Variants in CENPP observed in about 807,000 individuals in gnomAD.
CENPP encodes centromere protein P.
Under a neutral mutation model 35.6 loss-of-function variants are expected in CENPP, and 24 were observed. The ratio of observed to expected loss-of-function variants is 0.67; its 90% CI spans 0.49 to 0.95. CENPP has a LOEUF of 0.95. Ranked by LOEUF, CENPP falls within the 40% of genes least tolerant of loss-of-function variation. CENPP has a pLI of 0.00. For synonymous variants in CENPP, 120 were observed against 125.5 expected (o/e 0.96, Z 0.29); for missense variants, 332 against 345.3 (o/e 0.96, Z 0.31).
At chr9:92,379,026 C>T (rs187263504) in intron 4 of CENPP, among the ~76,000 whole-genome samples, 7 of 152,326 alleles carry the variant, frequency 4.6e-5, no homozygotes, top group Non-Finnish European at 1.0e-4. Context: ...GCCATAAATT[C>T]TGGAGTTCCC....
At chr9:92,500,864 C>A in intron 5 of CENPP, 1 of 1,614,134 alleles carries the variant, frequency 6.2e-7, no homozygotes, top group Non-Finnish European at 8.5e-7. Context: ...AGACACGGTC[C>A]ATGCCATCAT....
chr9:92,514,711 C>T, intron 5 of CENPP: 2 of 1,613,934 alleles, frequency 1.2e-6, no homozygotes, highest in Non-Finnish European at 1.7e-6. Context: ...GCTGATGGTC[C>T]TGTAGGACAG....
At chr9:92,595,965 A>G (rs1213914172) in intron 5 of CENPP, among the ~76,000 whole-genome samples, 1 of 152,206 alleles carries the variant, frequency 6.6e-6, no homozygotes, top group Non-Finnish European at 1.5e-5. Flanking sequence ...TAGTATAAAT[A>G]TTATTTAAAC....
chr9:92,449,330 A>G (rs1282614832), intron 5 of CENPP, among the ~76,000 whole-genome samples: 1 of 151,348 alleles, frequency 6.6e-6, no homozygotes, highest in African/African-American at 2.4e-5. Context: ...AGTCCCAGCT[A>G]CTCAGGAGGC....
chr9:92,544,214 G>A (rs574383336), intron 5 of CENPP, among the ~76,000 whole-genome samples: 1 of 152,290 alleles, frequency 6.6e-6, no homozygotes, highest in Non-Finnish European at 1.5e-5. Flanking sequence ...GGTGGCTCAC[G>A]CCTATAATCC....
chr9:92,542,463 C>T (rs1428932857), intron 5 of CENPP, among the ~76,000 whole-genome samples: 1 of 151,280 alleles, frequency 6.6e-6, no homozygotes, highest in Non-Finnish European at 1.5e-5. Context: ...AAATAATTGC[C>T]TACACCAATA....
chr9:92,432,336 A>G (rs1844132443), intron 5 of CENPP, among the ~76,000 whole-genome samples: 1 of 151,932 alleles, frequency 6.6e-6, no homozygotes, highest in African/African-American at 2.4e-5. Context: ...AAAAAAAAAA[A>G]GGAAAAAAGA....
intron 5 of CENPP, chr9:92,404,800 G>A (rs1843259922): frequency 2.9e-6 from 1 of 345,838 alleles, no homozygotes; most frequent in Non-Finnish European, 4.6e-6. Flanking sequence ...TTATTATTGT[G>A]TAATAAACAT....
In CENPP at chr9:92,326,100, A is replaced by T; in HGVS notation, c.102A>T (p.Arg34=). ...DPPAPWEEKS[R]VQKSFQAIHQ... is the part of the protein sequence containing the mutation. ...CGGCGCCCTGGGAAGAGAAGTCCCG[A>T]GTCCAGTACGTGACCACCCCAAGTC... The change falls in exon 1 of 8, where the codon CGA becomes CGT. Residue 34 remains arginine, a synonymous_variant. Coordinates refer to ENST00000375587, the MANE Select transcript of CENPP (RefSeq NM_001012267.3). 1 of 1,544,380 alleles carries T rather than the reference A, an allele frequency of 6.5e-7. No homozygotes were observed. Among genetic ancestry groups the T allele is most frequent in the African/African-American group, 1.4e-5 (1 of 72,324 alleles).
intron 5 of CENPP, among the ~76,000 whole-genome samples, chr9:92,518,624 C>T (rs10820982): frequency 0.26 from 39,687 of 152,046 alleles, 7,623 homozygotes; most frequent in African/African-American, 0.54. Flanking sequence ...TGTCTGGGCA[C>T]GGTGGCTCAT....
chr9:92,445,745 G>A (rs947383397), intron 5 of CENPP, among the ~76,000 whole-genome samples: 10 of 151,938 alleles, frequency 6.6e-5, no homozygotes, highest in African/African-American at 1.9e-4. Flanking sequence ...TTAGCTGGGC[G>A]TGTTGGTAGA....
intron 1 of CENPP, among the ~76,000 whole-genome samples, chr9:92,330,901 G>T (rs1200762013): frequency 2.6e-5 from 4 of 151,996 alleles, no homozygotes; most frequent in Non-Finnish European, 5.9e-5. Flanking sequence ...TATTGGCCAG[G>T]CTGGTCTCGA....
At chr9:92,533,501 G>T (rs900012482) in intron 5 of CENPP, among the ~76,000 whole-genome samples, 7 of 150,846 alleles carry the variant, frequency 4.6e-5, no homozygotes, top group African/African-American at 1.7e-4. Flanking sequence ...GAATCCAGAT[G>T]CTTCTAGAAG....
At chr9:92,475,857 G>T (rs960557851) in intron 5 of CENPP, among the ~76,000 whole-genome samples, 2 of 151,874 alleles carry the variant, frequency 1.3e-5, no homozygotes, top group Non-Finnish European at 2.9e-5. Context: ...GTTTTTGGGG[G>T]GCCAGGTTGT....
intron 5 of CENPP, among the ~76,000 whole-genome samples, chr9:92,548,562 A>G (rs1380737351): frequency 6.6e-6 from 1 of 152,264 alleles, no homozygotes; most frequent in Non-Finnish European, 1.5e-5. Flanking sequence ...AACAAGTTAT[A>G]CTGCCTAGAA....
intron 5 of CENPP, among the ~76,000 whole-genome samples, chr9:92,592,647 A>G (rs1189707446): frequency 2.0e-5 from 3 of 152,204 alleles, no homozygotes; most frequent in East Asian, 3.8e-4. Flanking sequence ...TTGCTGAATC[A>G]TGTCATATAC....
intron 1 of CENPP, 30 bp from the exon 2 acceptor site, chr9:92,332,140 G>A: frequency 6.8e-7 from 1 of 1,480,972 alleles, no homozygotes; most frequent in Non-Finnish European, 9.2e-7. Flanking sequence ...TTAGTAATTG[G>A]AGTGATTATT....
intron 5 of CENPP, among the ~76,000 whole-genome samples, chr9:92,574,005 C>T (rs1850217912): frequency 6.6e-6 from 1 of 152,178 alleles, no homozygotes; most frequent in African/African-American, 2.4e-5. Flanking sequence ...GTCACAGCTT[C>T]CCTTGGCTAG....
intron 5 of CENPP, among the ~76,000 whole-genome samples, chr9:92,594,903 T>TC (rs1850742184): frequency 6.7e-6 from 1 of 148,454 alleles, no homozygotes; most frequent in Non-Finnish European, 1.5e-5. Context: ...TTTTTTTTTT[T>TC]TTTTTTTTTT....
Sources: gnomAD v4.1 joint callset for allele counts (sites outside exome capture counted in the v4.1 genomes callset) on GRCh38, gnomAD v4.1.1 for gene constraint, MANE v1.5 for transcripts, NCBI Gene and HGNC (gene_info 2026-07-23, HGNC 2026-07-21) for gene names.